EXD2: variants seen among roughly 807,000 people sequenced by gnomAD.
The protein encoded by EXD2 is exonuclease 3'-5' domain-containing protein 2.
A neutral mutation model predicts 62.5 loss-of-function variants in EXD2; 40 were observed. The ratio of observed to expected loss-of-function variants is 0.64; its 90% CI spans 0.50 to 0.83. The LOEUF (loss-of-function observed/expected upper bound fraction) is 0.83. Among genes scored for constraint, EXD2 ranks in the 40% least tolerant of loss-of-function variants. The pLI is 0.00. For synonymous variants in EXD2, 239 were observed against 291.9 expected (o/e 0.82, Z 1.85); for missense variants, 671 against 761.8 (o/e 0.88, Z 1.40).
At chr14:69,201,679 T>C (rs866546916) in intron 1 of EXD2, among the ~76,000 whole-genome samples, 1 of 129,942 alleles carries the variant, frequency 7.7e-6, no homozygotes, top group African/African-American at 3.1e-5. Context: ...TCTGTTTTTT[T>C]TTTTTTTTTT....
intron 3 of EXD2, among the ~76,000 whole-genome samples, chr14:69,217,251 C>T (rs557164337): frequency 6.6e-6 from 1 of 152,230 alleles, no homozygotes; most frequent in East Asian, 1.9e-4. Flanking sequence ...GATGAAGTCT[C>T]ACTGTGATTC....
rs1236440397 is a variant in EXD2 at position 69,219,628 on chromosome 14, T to C, written c.334-9188T>C. On this transcript the variant is annotated intron_variant, in intron 3 of 9. Coordinates refer to ENST00000685843, the MANE Select transcript of EXD2 (RefSeq NM_001193360.2). Reference sequence around the variant, plus strand: ...TGTGATTTTTAAATTTAAGTATAAATGGAGATTTTAAACATTTTTCTGTTT... The same window carrying C: ...TGTGATTTTTAAATTTAAGTATAAACGGAGATTTTAAACATTTTTCTGTTT... 2.0e-5 allele frequency among the ~76,000 whole-genome samples: 3 copies of C among 152,246 alleles called. No individual in the cohort carries two copies. The East Asian group carries it at 5.8e-4, about 29-fold the overall frequency.
chr14:69,213,536 A>AGTTTT (rs1566824755), intron 3 of EXD2, among the ~76,000 whole-genome samples: 1 of 33,938 alleles, frequency 2.9e-5, no homozygotes. Flanking sequence ...GCACCTGGAT[A>AGTTTT]ATTTTTTTTT....
chr14:69,213,536 A>AGTTTTTTT (rs1566824755), intron 3 of EXD2, among the ~76,000 whole-genome samples: 1 of 33,938 alleles, frequency 2.9e-5, no homozygotes, highest in Non-Finnish European at 4.7e-5. Context: ...GCACCTGGAT[A>AGTTTTTTT]ATTTTTTTTT....
At chr14:69,216,633 A>G (rs1343220559) in intron 3 of EXD2, among the ~76,000 whole-genome samples, 3 of 152,134 alleles carry the variant, frequency 2.0e-5, no homozygotes, top group African/African-American at 4.8e-5. Flanking sequence ...TTCAGGTCCT[A>G]TAAAATTTTC....
At chr14:69,219,370 A>T (rs2140271077) in intron 3 of EXD2, among the ~76,000 whole-genome samples, 1 of 152,240 alleles carries the variant, frequency 6.6e-6, no homozygotes, top group Non-Finnish European at 1.5e-5. Context: ...ATCCTGAGTC[A>T]CATTTTCTTT....
intron 3 of EXD2, among the ~76,000 whole-genome samples, chr14:69,224,511 A>T (rs2043293618): frequency 6.6e-6 from 1 of 152,192 alleles, no homozygotes; most frequent in Non-Finnish European, 1.5e-5. Context: ...CTACCTCCTG[A>T]GTCCAAGCTT....
chr14:69,236,275 A>G (rs2043782272), intron 7 of EXD2, 123 bp downstream of exon 7: 1 of 1,515,230 alleles, frequency 6.6e-7, no homozygotes, highest in Admixed American at 1.7e-5. Context: ...GATGCATGGG[A>G]CTGGGTAGGC....
At position 69,233,063 on chromosome 14, in the gene EXD2, G is replaced by C. The variant is rs544528599; in HGVS notation, c.718-1637G>C. Among the ~76,000 whole-genome samples the C allele has an allele frequency of 1.2e-3, 186 of 152,268 alleles. 1 individual carries two copies. The highest frequency in any genetic ancestry group is 4.2e-3 in the African/African-American group (176 of 41,550). On this transcript the variant is annotated intron_variant, in intron 5 of 9. Transcript: ENST00000685843. ...TTGAGTTAATTTTTGTGTGTCTTGT[G>C]AGGTAGGGGTCCACATTCACTCTTT...
chr14:69,236,506 T>C lies in EXD2; in HGVS notation c.1256T>C (p.Leu419Pro), dbSNP rs2043792809. 6.2e-7 allele frequency: 1 copy of C among 1,614,058 alleles called. No individual in the cohort carries two copies. ...GDYYLMVKEN[L>P]CVVCGKRDSY... ...TATTACTTGATGGTTAAAGAGAACC[T>C]GTGTGTAGTGTGTGGCAAGAGAGAC... Residue 419 changes from leucine (L) to proline (P), a missense_variant, in exon 8 of 10, where the codon CTG becomes CCG. Physicochemically the swap from Leu to Pro is moderately conservative, Grantham distance 98. Transcript: ENST00000685843.
intron 1 of EXD2, chr14:69,192,010 A>AACAGCAGC (rs1337422989): frequency 6.6e-6 from 1 of 152,296 alleles, no homozygotes; most frequent in Admixed American, 6.5e-5. Context: ...TCGACGCGGC[A>AACAGCAGC]ACAGCTGCTG....
At chr14:69,218,655 G>A (rs2043065831) in intron 3 of EXD2, among the ~76,000 whole-genome samples, 1 of 152,174 alleles carries the variant, frequency 6.6e-6, no homozygotes, top group Non-Finnish European at 1.5e-5. Context: ...TAACATTTAA[G>A]TCTTTAATCC....
intron 9 of EXD2, among the ~76,000 whole-genome samples, chr14:69,238,767 T>TG (rs1255887153): frequency 6.6e-6 from 1 of 152,082 alleles, no homozygotes; most frequent in Non-Finnish European, 1.5e-5. Context: ...CCCAAGTAGC[T>TG]GGGACTACAA....
In EXD2 at chr14:69,209,776, T is replaced by A. The variant is rs1388277223; in HGVS notation, c.306T>A (p.Phe102Leu). Residue 102 changes from phenylalanine (F) to leucine (L), a missense_variant, in exon 3 of 10, where the codon TTT becomes TTA. Coordinates refer to ENST00000685843, the MANE Select transcript of EXD2 (RefSeq NM_001193360.2). ...EPLLRSELED[F>L]PVLGIDCEWV... is the part of the protein sequence containing the mutation. ...TGCTTAGAAGTGAATTAGAAGATTT[T>A]CCAGTACTTGGAATTGACTGTGAGT... 1 of 1,511,830 alleles carries A rather than the reference T, an allele frequency of 6.6e-7. No individual in the cohort carries two copies. The highest frequency in any genetic ancestry group is 1.4e-5 in the African/African-American group (1 of 71,364). 93.7% of individuals were successfully genotyped at this position (1,511,830 alleles called of 1,614,324 possible).
intron 3 of EXD2, among the ~76,000 whole-genome samples, chr14:69,227,193 A>G (rs1174415150): frequency 1.3e-5 from 2 of 152,188 alleles, no homozygotes; most frequent in Non-Finnish European, 2.9e-5. Flanking sequence ...CTAGATGCCT[A>G]TGTACTTCCT....
At chr14:69,209,921 C>G in intron 3 of EXD2, 118 bp downstream of exon 3, 2 of 843,020 alleles carry the variant, frequency 2.4e-6, no homozygotes, top group Non-Finnish European at 3.4e-6. Flanking sequence ...AGCTTGTTCT[C>G]AACTTGCTTA....
At chr14:69,235,909 G>A (rs928949750) in intron 6 of EXD2, 137 bp from the exon 7 acceptor site, 1 of 754,734 alleles carries the variant, frequency 1.3e-6, no homozygotes, top group African/African-American at 1.7e-5. Context: ...TTCTCACTCT[G>A]TTTTTTCCAT....
intron 3 of EXD2, among the ~76,000 whole-genome samples, chr14:69,211,832 G>C (rs2042814881): frequency 6.6e-6 from 1 of 152,292 alleles, no homozygotes; most frequent in South Asian, 2.1e-4. Flanking sequence ...AGACTGAAGT[G>C]AATAGTAATT....
At position 69,237,811 on chromosome 14, in the gene EXD2, T is replaced by C. The variant is rs1566843096; in HGVS notation, c.1529T>C (p.Leu510Pro). Residue 510 changes from leucine to proline, a missense_variant, in exon 9 of 10, where the codon CTC (leucine) becomes CCC (proline). Coordinates refer to ENST00000685843, the MANE Select transcript of EXD2 (RefSeq NM_001193360.2). The part of the protein sequence containing the change: ...RQVRSGARAL[L>P]NAESLPTQRK... ...GTGCGTTCTGGGGCCAGGGCCCTGC[T>C]CAACGCGGAGAGCCTGCCTACTCAG... The C allele has an allele frequency of 6.2e-7, 1 of 1,613,738 alleles. No individual in the cohort carries two copies. The highest frequency in any genetic ancestry group is 8.5e-7 in the Non-Finnish European group (1 of 1,179,922).
Sources: allele counts gnomAD v4.1 joint callset (sites outside exome capture counted in the v4.1 genomes callset), GRCh38; gene constraint gnomAD v4.1.1; transcripts MANE v1.5; gene names NCBI Gene and HGNC (gene_info 2026-07-23, HGNC 2026-07-21).